JADE3: variants seen among roughly 807,000 people sequenced by gnomAD.
JADE3 encodes the protein protein Jade-3.
A neutral mutation model predicts 50.1 loss-of-function variants in JADE3; 2 were observed. That is an observed-to-expected ratio of 0.04 (90% CI 0.02 to 0.13). The LOEUF (loss-of-function observed/expected upper bound fraction) is 0.13, where lower values mean the gene tolerates loss of function less well. Among genes scored for constraint, JADE3 ranks in the 10% least tolerant of loss-of-function variants. JADE3 has a pLI of 1.00. For missense variants in JADE3, 475 were observed against 634.4 expected, an observed-to-expected ratio of 0.75 and a Z score of 2.70; for synonymous variants, 218 against 232.9, an observed-to-expected ratio of 0.94 and a Z score of 0.58.
chrX:46,987,456 C>T (rs1927887478), intron 3 of JADE3, among the ~76,000 whole-genome samples: 1 of 112,214 alleles, frequency 8.9e-6, no homozygotes, highest in African/African-American at 3.2e-5. Flanking sequence ...ACAGGTCCCA[C>T]TGCCTTAGTA....
At chrX:46,937,988 A>C (rs1926671492) in intron 1 of JADE3, among the ~76,000 whole-genome samples, 1 of 111,659 alleles carries the variant, frequency 9.0e-6, no homozygotes, top group African/African-American at 3.3e-5. Context: ...CAAATAAATA[A>C]ACAAATAAAT....
chrX:46,943,868 TTTA>T (rs1412312559), intron 1 of JADE3, among the ~76,000 whole-genome samples: 7 of 111,800 alleles, frequency 6.3e-5, no homozygotes, highest in African/African-American at 2.3e-4. Context: ...GTAGATTTTT[TTTA>T]TTATTGATTT....
intron 4 of JADE3, 66 bp from the exon 5 acceptor site, chrX:47,024,658 A>G: frequency 3.0e-6 from 2 of 674,704 alleles, no homozygotes; most frequent in Non-Finnish European, 4.6e-6. Flanking sequence ...GCATTTAGCC[A>G]TCCATTCAGT....
At chrX:46,939,101 A>G (rs1556341792) in intron 1 of JADE3, among the ~76,000 whole-genome samples, 1 of 112,368 alleles carries the variant, frequency 8.9e-6, no homozygotes, top group East Asian at 2.8e-4. Context: ...TACTGGGGTT[A>G]CAGGCGTGAG....
intron 3 of JADE3, among the ~76,000 whole-genome samples, chrX:46,992,098 C>T (rs782507877): frequency 1.8e-5 from 2 of 110,963 alleles, no homozygotes; most frequent in East Asian, 5.7e-4. Flanking sequence ...ACCTTTTTGC[C>T]CGTTAGGTAA....
In JADE3 at chrX:47,059,364, A is replaced by G. The variant is rs374021517; in HGVS notation, c.*287A>G. 5 of 268,119 alleles carry G rather than the reference A, an allele frequency of 1.9e-5. No homozygotes were observed. Among genetic ancestry groups the G allele is most frequent in the South Asian group, 2.4e-4 (2 of 8,313 alleles). The allele number at this position is 268,119 out of a possible 1,213,427, so 22.1% of individuals were successfully genotyped here. ...TATTTTGGGGCAGCTTTCCGGTTATATAACACATTGACAAGTATATGTATT... is the reference window on the plus strand; with the variant it reads ...TATTTTGGGGCAGCTTTCCGGTTATGTAACACATTGACAAGTATATGTATT... On this transcript the variant is annotated 3_prime_UTR_variant, in exon 11 of 11. Coordinates refer to ENST00000614628, the MANE Select transcript of JADE3 (RefSeq NM_014735.5).
At position 47,040,452 on chromosome X, in the gene JADE3, A is replaced by G. The variant is rs782404067; in HGVS notation, c.972+1387A>G. On this transcript the variant is annotated intron_variant, in intron 8 of 10. Coordinates refer to ENST00000614628, the MANE Select transcript of JADE3 (RefSeq NM_014735.5). ...GAGGGATCTAGGTTGAGCACTCCTT[A>G]TGAGAATGTAATGCCTGATGATCTG... Among the ~76,000 whole-genome samples the G allele has an allele frequency of 3.6e-5, 4 of 111,933 alleles. No individual in the cohort carries two copies. The East Asian group carries it at 1.1e-3, about 31-fold the overall frequency.
chrX:47,035,408 A>G (rs782622606), intron 7 of JADE3, among the ~76,000 whole-genome samples: 1 of 112,104 alleles, frequency 8.9e-6, no homozygotes, highest in South Asian at 3.7e-4. Context: ...AAAATATTTG[A>G]ATAGTAGTTT....
chrX:46,999,347 C>G (rs782141703), intron 4 of JADE3, among the ~76,000 whole-genome samples: 1 of 105,093 alleles, frequency 9.5e-6, no homozygotes, highest in Non-Finnish European at 1.9e-5. Flanking sequence ...GGTTCCAATA[C>G]ACAAACTTTT....
At chrX:46,928,794 G>A (rs1400133950) in intron 1 of JADE3, among the ~76,000 whole-genome samples, 2 of 110,407 alleles carry the variant, frequency 1.8e-5, no homozygotes, top group East Asian at 2.8e-4. Flanking sequence ...TTTGTTTTTT[G>A]TAGAGACAGG....
intron 10 of JADE3, among the ~76,000 whole-genome samples, chrX:47,057,903 C>G (rs1386208030): frequency 9.0e-6 from 1 of 111,666 alleles, no homozygotes; most frequent in Non-Finnish European, 1.9e-5. Flanking sequence ...AGGCAACACA[C>G]TAGTTTGTGA....
chrX:47,046,130 C>G (rs1929366081), intron 8 of JADE3, among the ~76,000 whole-genome samples: 1 of 109,612 alleles, frequency 9.1e-6, no homozygotes, highest in Non-Finnish European at 1.9e-5. Context: ...AACCTTTAGC[C>G]CAACTCACTG....
chrX:47,042,245 T>G (rs1929277529), intron 8 of JADE3, among the ~76,000 whole-genome samples: 1 of 111,577 alleles, frequency 9.0e-6, no homozygotes, highest in African/African-American at 3.3e-5. Context: ...CAATAAGACT[T>G]TGGTGAGAGA....
intron 1 of JADE3, among the ~76,000 whole-genome samples, chrX:46,916,341 A>G (rs1384356430): frequency 8.9e-6 from 1 of 111,800 alleles, no homozygotes; most frequent in Non-Finnish European, 1.9e-5. Flanking sequence ...GTTTCTTTCA[A>G]GCCATTTGTT....
At chrX:46,951,176 T>C (rs1926993867) in intron 1 of JADE3, among the ~76,000 whole-genome samples, 1 of 106,341 alleles carries the variant, frequency 9.4e-6, no homozygotes, top group Non-Finnish European at 1.9e-5. Context: ...CCTCCCGGGT[T>C]CAAGCGATTT....
In JADE3 at chrX:46,917,710, C is replaced by T. The variant is rs782535979; in HGVS notation, c.-12+4991C>T. Among the ~76,000 whole-genome samples, 11 of 109,513 alleles carry T rather than the reference C, an allele frequency of 1.0e-4. No homozygotes were observed. In the East Asian group the frequency reaches 2.9e-3, roughly 29 times the overall value. Reference sequence around the variant, plus strand: ...GCAGGGAAAGATTGACAGGGCCTTACGGGACCTCATTAAAGAGCTTGTGTT... The same window carrying T: ...GCAGGGAAAGATTGACAGGGCCTTATGGGACCTCATTAAAGAGCTTGTGTT... On this transcript the variant is annotated intron_variant, in intron 1 of 10. Transcript: ENST00000614628.
chrX:46,929,052 G>C (rs1036607541), intron 1 of JADE3, among the ~76,000 whole-genome samples: 6 of 112,322 alleles, frequency 5.3e-5, no homozygotes, highest in African/African-American at 1.9e-4. Flanking sequence ...GTCTGCCTGG[G>C]TAAAGTATGG....
intron 1 of JADE3, among the ~76,000 whole-genome samples, chrX:46,972,895 G>A (rs942552767): frequency 8.0e-5 from 9 of 112,337 alleles, no homozygotes; most frequent in Non-Finnish European, 1.3e-4. Flanking sequence ...CACCGCGCCC[G>A]GCTGGAATAA....
chrX:47,037,123 A>G (rs1388973702), intron 7 of JADE3, among the ~76,000 whole-genome samples: 58 of 103,299 alleles, frequency 5.6e-4, no homozygotes, highest in Admixed American at 1.1e-3. Context: ...AAAAAAAAGG[A>G]AAAAAAAAAA....
Sources: gnomAD v4.1 joint callset for allele counts (sites outside exome capture counted in the v4.1 genomes callset) on GRCh38, gnomAD v4.1.1 for gene constraint, MANE v1.5 for transcripts, NCBI Gene and HGNC (gene_info 2026-07-23, HGNC 2026-07-21) for gene names.